Variants in TLL2 observed in about 807,000 individuals in gnomAD.
TLL2 encodes tolloid like 2.
A neutral mutation model predicts 123.0 loss-of-function variants in TLL2; 106 were observed. The observed-to-expected ratio is 0.86, with a 90% CI of 0.74 to 1.01. TLL2 has a LOEUF of 1.01. Ranked by LOEUF, TLL2 falls within the 50% of genes least tolerant of loss-of-function variation. The pLI, the probability that TLL2 is intolerant of heterozygous loss-of-function variation, is 0.00. For synonymous variants in TLL2, 494 were observed against 516.8 expected (o/e 0.96, Z 0.60); for missense variants, 1,332 against 1,336.7 (o/e 1.00, Z 0.06).
intron 8 of TLL2, 32 bp from the exon 9 acceptor site, chr10:96,410,506 C>T (rs781019255): frequency 5.7e-6 from 9 of 1,565,250 alleles, no homozygotes; most frequent in Admixed American, 1.7e-5. Flanking sequence ...TGTGATGTGG[C>T]ATATGCACCT....
chr10:96,429,992 TG>T (rs1380522617), intron 4 of TLL2, among the ~76,000 whole-genome samples: 1 of 152,226 alleles, frequency 6.6e-6, no homozygotes, highest in Non-Finnish European at 1.5e-5. Context: ...AATAGTTGTC[TG>T]GGAAGTATGA....
intron 5 of TLL2, among the ~76,000 whole-genome samples, chr10:96,427,914 C>A (rs1846694744): frequency 6.6e-6 from 1 of 152,182 alleles, no homozygotes; most frequent in African/African-American, 2.4e-5. Context: ...CCTGTCTCAG[C>A]CTCCCAGGTA....
At chr10:96,398,744 C>A (rs1846363280) in intron 10 of TLL2, among the ~76,000 whole-genome samples, 1 of 152,002 alleles carries the variant, frequency 6.6e-6, no homozygotes, top group Admixed American at 6.6e-5. Context: ...ACTGGAAGAC[C>A]ATGGTTCTAC....
chr10:96,389,712 C>A (rs536112918), intron 13 of TLL2, among the ~76,000 whole-genome samples: 1 of 152,266 alleles, frequency 6.6e-6, no homozygotes, highest in African/African-American at 2.4e-5. Context: ...GACACACAGG[C>A]AAGAAAGAGG....
At chr10:96,371,307 C>T (rs1846081691) in intron 19 of TLL2, among the ~76,000 whole-genome samples, 1 of 142,332 alleles carries the variant, frequency 7.0e-6, no homozygotes, top group South Asian at 2.3e-4. Context: ...GGCCACAGAG[C>T]AAAACTCCGT....
intron 5 of TLL2, among the ~76,000 whole-genome samples, chr10:96,426,387 C>G (rs897454183): frequency 6.6e-6 from 1 of 152,076 alleles, no homozygotes; most frequent in Admixed American, 6.6e-5. Context: ...TTGGTGCCAT[C>G]CTTTTCATTT....
intron 2 of TLL2, among the ~76,000 whole-genome samples, chr10:96,454,817 A>G (rs1246785348): frequency 2.0e-5 from 3 of 152,204 alleles, no homozygotes; most frequent in Non-Finnish European, 2.9e-5. Context: ...ATTGACTCTA[A>G]CTGTTCTGAA....
rs1219794947 is a variant in TLL2, at chr10:96,368,069, T to C, written c.*19A>G. On this transcript the variant is annotated 3_prime_UTR_variant, in exon 21 of 21. Coordinates refer to ENST00000357947, the MANE Select transcript of TLL2 (RefSeq NM_012465.4). ...AAACAAAAAAAATTCTCAGTTTCTG[T>C]CTTTCAAGAACATCAGCACTATTTC... 6.2e-7 allele frequency: 1 copy of C among 1,610,366 alleles called. No homozygotes were observed. The highest frequency in any genetic ancestry group is 8.5e-7 in the Non-Finnish European group (1 of 1,177,978).
chr10:96,422,095 T>G (rs1167436682), intron 6 of TLL2, among the ~76,000 whole-genome samples: 1 of 152,238 alleles, frequency 6.6e-6, no homozygotes, highest in Non-Finnish European at 1.5e-5. Flanking sequence ...GGCAGAATGT[T>G]TCTAGGCAGA....
intron 1 of TLL2, among the ~76,000 whole-genome samples, chr10:96,493,850 C>G (rs1368713143): frequency 6.6e-6 from 1 of 152,170 alleles, no homozygotes; most frequent in African/African-American, 2.4e-5. Flanking sequence ...TTGCAGAAGG[C>G]CTAGAAGAAG....
chr10:96,507,332 G>A (rs1364848123), intron 1 of TLL2, among the ~76,000 whole-genome samples: 1 of 151,962 alleles, frequency 6.6e-6, no homozygotes, highest in African/African-American at 2.4e-5. Flanking sequence ...GCCCTCATCT[G>A]CATTTACTTA....
intron 4 of TLL2, among the ~76,000 whole-genome samples, chr10:96,432,164 T>A (rs1009965260): frequency 6.6e-5 from 10 of 152,282 alleles, no homozygotes; most frequent in African/African-American, 2.2e-4. Context: ...AGATACATAC[T>A]AATTACTGTG....
intron 7 of TLL2, among the ~76,000 whole-genome samples, chr10:96,414,710 CTT>C (rs1846537465): frequency 6.6e-6 from 1 of 152,128 alleles, no homozygotes. Context: ...CTATGGGCCT[CTT>C]ATATCCAACG....
intron 13 of TLL2, among the ~76,000 whole-genome samples, chr10:96,390,118 T>C (rs930771197): frequency 6.6e-5 from 10 of 152,246 alleles, no homozygotes; most frequent in Non-Finnish European, 1.2e-4. Flanking sequence ...CAGCTTAGCA[T>C]AGCAGGAGCT....
intron 10 of TLL2, among the ~76,000 whole-genome samples, chr10:96,403,555 TCTCTAGTCTCAATAA>T (rs1263938400): frequency 6.6e-6 from 1 of 152,184 alleles, no homozygotes; most frequent in African/African-American, 2.4e-5. Flanking sequence ...TCATCGCCAT[TCTCTAGTCTCAATAA>T]ACCAAGGGCA....
chr10:96,508,913 C>T (rs138323136), intron 1 of TLL2, among the ~76,000 whole-genome samples: 98 of 152,100 alleles, frequency 6.4e-4, no homozygotes, highest in African/African-American at 2.3e-3. Context: ...CTGTGCTCTC[C>T]CACCTTGAAT....
At chr10:96,473,700 A>G (rs1001734404) in intron 2 of TLL2, among the ~76,000 whole-genome samples, 1 of 152,258 alleles carries the variant, frequency 6.6e-6, no homozygotes, top group African/African-American at 2.4e-5. Context: ...ATCCGAGCCA[A>G]TAAGTAATTA....
chr10:96,454,011 G>GCA (rs138026221), intron 2 of TLL2, among the ~76,000 whole-genome samples: 69,263 of 149,890 alleles, frequency 0.46, 16,154 homozygotes, highest in Middle Eastern at 0.6. Context: ...GTGTGCGCCT[G>GCA]CACACACACA....
intron 1 of TLL2, among the ~76,000 whole-genome samples, chr10:96,496,535 G>A (rs987568117): frequency 8.5e-5 from 13 of 152,204 alleles, no homozygotes; most frequent in African/African-American, 2.9e-4. Flanking sequence ...CTTGACAGAT[G>A]AGCCAAGGGG....
Sources: gnomAD v4.1 joint callset for allele counts (sites outside exome capture counted in the v4.1 genomes callset) on GRCh38, gnomAD v4.1.1 for gene constraint, MANE v1.5 for transcripts, NCBI Gene and HGNC (gene_info 2026-07-23, HGNC 2026-07-21) for gene names.